CTNND2: variants seen among roughly 807,000 people sequenced by gnomAD.
CTNND2 encodes the protein catenin delta 2.
A neutral mutation model predicts 144.4 loss-of-function variants in CTNND2; 22 were observed. The observed-to-expected ratio is 0.15, with a 90% CI of 0.11 to 0.22. The LOEUF is 0.22. Among genes scored for constraint, CTNND2 ranks in the 10% least tolerant of loss-of-function variants. CTNND2 has a pLI of 1.00. For synonymous variants in CTNND2, 751 were observed against 695.6 expected, an observed-to-expected ratio of 1.08 and a Z score of -1.25; for missense variants, 1,353 against 1,618.8, an observed-to-expected ratio of 0.84 and a Z score of 2.82.
chr5:11,719,833 TACACACACACACACACACACAC>T (rs36223515), intron 2 of CTNND2, among the ~76,000 whole-genome samples: 4 of 142,004 alleles, frequency 2.8e-5, no homozygotes, highest in African/African-American at 5.1e-5. Context: ...CTCTGACATA[TACACACACACACACACACACAC>T]ACACACACAC....
At chr5:11,499,857 G>A (rs1006194936) in intron 3 of CTNND2, among the ~76,000 whole-genome samples, 1 of 152,096 alleles carries the variant, frequency 6.6e-6, no homozygotes, top group Non-Finnish European at 1.5e-5. Flanking sequence ...GTGATAAAAA[G>A]AAGTATTTTT....
intron 1 of CTNND2, among the ~76,000 whole-genome samples, chr5:11,831,666 CAAA>C (rs61030048): frequency 1.0e-4 from 10 of 99,088 alleles, no homozygotes; most frequent in East Asian, 3.2e-4. Context: ...GACTCTGTAT[CAAA>C]AAAAAAAAAA....
intron 9 of CTNND2, among the ~76,000 whole-genome samples, chr5:11,257,038 G>T (rs1488874706): frequency 1.3e-5 from 2 of 152,202 alleles, no homozygotes; most frequent in African/African-American, 4.8e-5. Flanking sequence ...CTGATGTAAG[G>T]TAATATTTCT....
At chr5:11,768,843 A>C (rs968925708) in intron 1 of CTNND2, among the ~76,000 whole-genome samples, 10 of 152,192 alleles carry the variant, frequency 6.6e-5, no homozygotes, top group African/African-American at 2.4e-4. Context: ...TTCCTTCTCC[A>C]TCTTTCAAAC....
intron 3 of CTNND2, among the ~76,000 whole-genome samples, chr5:11,507,030 A>G (rs1441275005): frequency 1.3e-5 from 2 of 152,150 alleles, no homozygotes; most frequent in African/African-American, 2.4e-5. Context: ...ATTAAATCTT[A>G]TATCTGATCC....
intron 9 of CTNND2, among the ~76,000 whole-genome samples, chr5:11,288,859 A>T (rs1468941675): frequency 6.6e-6 from 1 of 152,152 alleles, no homozygotes; most frequent in East Asian, 1.9e-4. Context: ...GAAAAAAAAA[A>T]AGAAAACCAA....
At chr5:11,279,951 C>T (rs1264378005) in intron 9 of CTNND2, among the ~76,000 whole-genome samples, 1 of 152,142 alleles carries the variant, frequency 6.6e-6, no homozygotes, top group Non-Finnish European at 1.5e-5. Flanking sequence ...CCCCCATGAT[C>T]CAGTCACCTC....
chr5:11,888,444 T>C (rs952446853), intron 1 of CTNND2, among the ~76,000 whole-genome samples: 3 of 152,096 alleles, frequency 2.0e-5, no homozygotes, highest in Non-Finnish European at 2.9e-5. Flanking sequence ...CTTAATCCAA[T>C]CAATGGTTTC....
chr5:11,658,588 GA>G, intron 2 of CTNND2, among the ~76,000 whole-genome samples: 1 of 152,036 alleles, frequency 6.6e-6, no homozygotes, highest in African/African-American at 2.4e-5. Context: ...TCACTAAACT[GA>G]AAAAAACTGA....
chr5:11,308,799 A>G (rs1426397970), intron 9 of CTNND2, among the ~76,000 whole-genome samples: 4 of 152,202 alleles, frequency 2.6e-5, no homozygotes, highest in African/African-American at 4.8e-5. Flanking sequence ...ATACTGCTAT[A>G]AAGAACTACC....
At chr5:11,599,648 T>C (rs957643249) in intron 2 of CTNND2, among the ~76,000 whole-genome samples, 10 of 152,168 alleles carry the variant, frequency 6.6e-5, no homozygotes, top group African/African-American at 9.7e-5. Context: ...CTTGTACTTA[T>C]TCATGAGGTC....
chr5:11,561,569 C>T (rs910106278), intron 3 of CTNND2, among the ~76,000 whole-genome samples: 1 of 152,166 alleles, frequency 6.6e-6, no homozygotes, highest in African/African-American at 2.4e-5. Context: ...GGAGTTATAA[C>T]CTACAGAGGT....
chr5:11,826,375 G>A (rs1436345395), intron 1 of CTNND2, among the ~76,000 whole-genome samples: 1 of 151,988 alleles, frequency 6.6e-6, no homozygotes, highest in Non-Finnish European at 1.5e-5. Context: ...GCCAATAGTG[G>A]AGATAATGTA....
chr5:11,040,730 A>G (rs1744611032), intron 16 of CTNND2, among the ~76,000 whole-genome samples: 1 of 152,258 alleles, frequency 6.6e-6, no homozygotes, highest in Non-Finnish European at 1.5e-5. Context: ...TTTGAGAAAT[A>G]CTGAAAATGA....
intron 1 of CTNND2, among the ~76,000 whole-genome samples, chr5:11,798,732 A>G (rs1338639979): frequency 6.6e-6 from 1 of 152,126 alleles, no homozygotes; most frequent in African/African-American, 2.4e-5. Flanking sequence ...GCGCCACTGC[A>G]CTCTAGCCTG....
At chr5:11,596,199 A>C (rs1581583427) in intron 2 of CTNND2, among the ~76,000 whole-genome samples, 1 of 152,324 alleles carries the variant, frequency 6.6e-6, no homozygotes, top group South Asian at 2.1e-4. Context: ...GTCTTCTAAG[A>C]AATAACTCGA....
At chr5:11,762,798 A>T (rs528314694) in intron 1 of CTNND2, among the ~76,000 whole-genome samples, 9 of 152,338 alleles carry the variant, frequency 5.9e-5, no homozygotes, top group African/African-American at 1.9e-4. Flanking sequence ...TCCTGTTCAT[A>T]TATGGATTTG....
chr5:11,329,716 G>A (rs1752886730), intron 9 of CTNND2, among the ~76,000 whole-genome samples: 1 of 152,122 alleles, frequency 6.6e-6, no homozygotes, highest in African/African-American at 2.4e-5. Context: ...CGTCAGGGTG[G>A]CAGGGTCATG....
rs544384080 is a variant in CTNND2, at chr5:11,604,617, T to C, written c.175-39561A>G. 1.2e-4 allele frequency among the ~76,000 whole-genome samples: 19 copies of C among 152,334 alleles called. No homozygotes were observed. In the East Asian group the frequency reaches 3.3e-3, roughly 26 times the overall value. On this transcript the variant is annotated intron_variant, in intron 2 of 21. Coordinates refer to ENST00000304623, the MANE Select transcript of CTNND2 (RefSeq NM_001332.4). ...TCTTCTGCCATCTACCTGTGTCCTC[T>C]GGCTTTTCACATCTTAGTTCTTCCT...
Sources: allele counts gnomAD v4.1 joint callset (sites outside exome capture counted in the v4.1 genomes callset), GRCh38; gene constraint gnomAD v4.1.1; transcripts MANE v1.5; gene names NCBI Gene and HGNC (gene_info 2026-07-23, HGNC 2026-07-21).